The following C9orf57 variants were observed in gnomAD, a reference collection of about 807,000 sequenced individuals.
C9orf57 encodes the protein uncharacterized protein C9orf57.
C9orf57 carries 12 observed loss-of-function variants against 12.9 expected under a neutral mutation model. The ratio of observed to expected loss-of-function variants is 0.93; its 90% CI spans 0.60 to 1.51. The LOEUF is 1.51. Ranked by LOEUF, C9orf57 falls within the 40% of genes most tolerant of loss-of-function variation. C9orf57 has a pLI of 0.00. For missense variants in C9orf57, 141 were observed against 162.8 expected, an observed-to-expected ratio of 0.87 and a Z score of 0.73; for synonymous variants, 49 against 57.1, an observed-to-expected ratio of 0.86 and a Z score of 0.64.
At chr9:72,053,254 T>C (rs1470181597) in intron 4 of C9orf57, among the ~76,000 whole-genome samples, 3 of 152,110 alleles carry the variant, frequency 2.0e-5, no homozygotes, top group African/African-American at 7.2e-5. Flanking sequence ...TTACAAAGAA[T>C]TCACCTGCCC....
In C9orf57 at chr9:72,056,929, G is replaced by A. The variant is rs1186112727; in HGVS notation, c.98-86C>T. 28 of 977,106 alleles carry A rather than the reference G, an allele frequency of 2.9e-5. 1 individual carries two copies. In the East Asian group the frequency reaches 6.6e-4, roughly 23 times the overall value. The allele number at this position is 977,106 out of a possible 1,614,324, so 60.5% of individuals were successfully genotyped here. A position where few individuals can be genotyped will look rare whatever the true frequency, so the allele number is the denominator to read the frequency against. ...TATGTATACTTTTTTTTTTTTTTGA[G>A]ACAGGGTTGCACTCCTGTTACCCAG... On this transcript the variant is annotated intron_variant, in intron 2 of 4. Transcript: ENST00000651200.
intron 2 of C9orf57, among the ~76,000 whole-genome samples, chr9:72,057,093 G>A (rs1824221105): frequency 6.6e-6 from 1 of 151,790 alleles, no homozygotes; most frequent in Non-Finnish European, 1.5e-5. Context: ...TGTATGTTTA[G>A]TGGGGAGGAT....
intron 3 of C9orf57, 38 bp from the exon 4 acceptor site, chr9:72,056,234 T>C (rs1439726757): frequency 6.5e-7 from 1 of 1,531,000 alleles, no homozygotes; most frequent in Non-Finnish European, 8.8e-7. Flanking sequence ...AAAGTAGTGA[T>C]AGATACGAGA....
rs564426574 is a variant in C9orf57, at chr9:72,054,290, G to A, written c.280+1784C>T. Among the ~76,000 whole-genome samples, 6 of 152,322 alleles carry A rather than the reference G, an allele frequency of 3.9e-5. No individual in the cohort carries two copies. The East Asian group carries it at 7.7e-4, about 20-fold the overall frequency. On this transcript the variant is annotated intron_variant, in intron 4 of 4. Transcript: ENST00000651200. ...TGGGATTATAGGCGTGAGCCACCGC[G>A]CCTAGCCTATTTAGGTCATTTATAT...
In C9orf57 at chr9:72,056,105, A is replaced by C; in HGVS notation, c.249T>G (p.Gly83=). The C allele has an allele frequency of 6.4e-7, 1 of 1,551,092 alleles. No individual in the cohort carries two copies. The highest frequency in any genetic ancestry group is 8.7e-7 in the Non-Finnish European group (1 of 1,146,598). The part of the protein sequence containing the change: ...LDLGTCQAEP[G]QYCKEEVHIQ... The stretch of plus-strand genomic sequence containing the variant: ...TGTGGACCTCTTCTTTACAGTACTG[A>C]CCAGGTTCTGCCTGGCAGGTTCCCA... The change falls in exon 4 of 5, where the codon GGT becomes GGG. Residue 83 remains glycine, a synonymous_variant. Coordinates refer to ENST00000651200, the MANE Select transcript of C9orf57 (RefSeq NM_001128618.2).
chr9:72,058,006 C>T (rs201588868), intron 2 of C9orf57, among the ~76,000 whole-genome samples: 1 of 152,164 alleles, frequency 6.6e-6, no homozygotes, highest in East Asian at 1.9e-4. Flanking sequence ...AATAAACTCA[C>T]AGATTCCCAG....
intron 1 of C9orf57, among the ~76,000 whole-genome samples, 191 bp from the exon 2 acceptor site, chr9:72,059,575 C>T (rs1292453717): frequency 1.3e-5 from 2 of 152,202 alleles, no homozygotes; most frequent in African/African-American, 4.8e-5. Context: ...ATTCCCAACG[C>T]TTTGGGAGGC....
intron 2 of C9orf57, among the ~76,000 whole-genome samples, chr9:72,057,855 G>A (rs577173906): frequency 3.3e-5 from 5 of 152,252 alleles, no homozygotes; most frequent in Admixed American, 3.3e-4. Flanking sequence ...AAATTCAGTG[G>A]CTTGAAAATA....
intron 1 of C9orf57, among the ~76,000 whole-genome samples, chr9:72,059,635 A>T (rs1268904537): frequency 6.6e-6 from 1 of 152,184 alleles, no homozygotes; most frequent in Non-Finnish European, 1.5e-5. Context: ...AGACTGCCCA[A>T]CATGGTGAAA....
chr9:72,052,536 T>TTGC, intron 4 of C9orf57, 101 bp from the exon 5 acceptor site: 1 of 1,129,872 alleles, frequency 8.9e-7, no homozygotes, highest in Non-Finnish European at 1.2e-6. Context: ...AACTTTAGTT[T>TTGC]TATCAAGGTA....
At chr9:72,059,602 C>T (rs918352815) in intron 1 of C9orf57, among the ~76,000 whole-genome samples, 4 of 152,166 alleles carry the variant, frequency 2.6e-5, no homozygotes, top group African/African-American at 9.7e-5. Flanking sequence ...GGGCAGATCG[C>T]CTGAGGTCAG....
rs979855990 is a variant in C9orf57 at position 72,060,570 on chromosome 9, A to G, written c.-127T>C. Reference sequence around the variant, plus strand: ...TCTTAAAAGGATGAGAACGAGTACAATTTGTGATGTGATGAAGTCCGTTAC... The same window carrying G: ...TCTTAAAAGGATGAGAACGAGTACAGTTTGTGATGTGATGAAGTCCGTTAC... On this transcript the variant is annotated 5_prime_UTR_variant, in exon 1 of 5. Coordinates refer to ENST00000651200, the MANE Select transcript of C9orf57 (RefSeq NM_001128618.2). 27 of 1,543,084 alleles carry G rather than the reference A, an allele frequency of 1.7e-5. No homozygotes were observed. The East Asian group carries it at 2.5e-4, about 14-fold the overall frequency.
intron 3 of C9orf57, among the ~76,000 whole-genome samples, chr9:72,056,537 T>C (rs1824206307): frequency 1.3e-5 from 2 of 151,878 alleles, no homozygotes; most frequent in South Asian, 4.2e-4. Context: ...AGTACTCACA[T>C]TTGAATCTTG....
intron 4 of C9orf57, among the ~76,000 whole-genome samples, chr9:72,055,558 G>C (rs1302248908): frequency 6.6e-6 from 1 of 151,836 alleles, no homozygotes; most frequent in African/African-American, 2.4e-5. Context: ...CCGGTAGCTG[G>C]GACTGCTACA....
rs759231051 is a variant in C9orf57, at chr9:72,059,351, A to C, written c.-20T>G. The C allele has an allele frequency of 3.0e-5, 47 of 1,551,500 alleles. No individual in the cohort carries two copies. Among genetic ancestry groups the C allele is most frequent in the Non-Finnish European group, 4.0e-5 (46 of 1,147,052 alleles). On this transcript the variant is annotated 5_prime_UTR_variant, in exon 2 of 5. Coordinates refer to ENST00000651200, the MANE Select transcript of C9orf57 (RefSeq NM_001128618.2). ...TCTCATTCTGATTTCCAAGCCGAAA[A>C]GGAGATGAAAGGAAAGACACGTCCC...
chr9:72,056,355 T>C (rs1221273808), intron 3 of C9orf57, among the ~76,000 whole-genome samples, 159 bp from the exon 4 acceptor site: 1 of 148,610 alleles, frequency 6.7e-6, no homozygotes, highest in Admixed American at 6.7e-5. Flanking sequence ...TAAATATATA[T>C]ATTTTATTTT....
intron 4 of C9orf57, 40 bp downstream of exon 4, chr9:72,056,034 T>A (rs1824192695): frequency 3.3e-6 from 5 of 1,529,638 alleles, no homozygotes; most frequent in Non-Finnish European, 2.6e-6. Context: ...ATTTTCCCTG[T>A]GCTTATTTTA....
At position 72,056,750 on chromosome 9, in the gene C9orf57, T is replaced by C. The variant is rs527622998; in HGVS notation, c.157+34A>G. ...GTGATAAGCATTTTCCCTGTGCTTATTTTAATTAAAATTTTTAAAGTGTCA... is the reference window on the plus strand; with the variant it reads ...GTGATAAGCATTTTCCCTGTGCTTACTTTAATTAAAATTTTTAAAGTGTCA... On this transcript the variant is annotated intron_variant, in intron 3 of 4. Coordinates refer to ENST00000651200, the MANE Select transcript of C9orf57 (RefSeq NM_001128618.2). 1.0e-5 allele frequency: 16 copies of C among 1,541,556 alleles called. No homozygotes were observed. The East Asian group carries it at 3.9e-4, about 38-fold the overall frequency.
intron 1 of C9orf57, among the ~76,000 whole-genome samples, chr9:72,059,678 A>G (rs1346091622): frequency 6.6e-6 from 1 of 152,092 alleles, no homozygotes; most frequent in Non-Finnish European, 1.5e-5. Flanking sequence ...AAAATTAGCC[A>G]GGTGTGGTTG....
Sources: allele counts gnomAD v4.1 joint callset (sites outside exome capture counted in the v4.1 genomes callset), GRCh38; gene constraint gnomAD v4.1.1; transcripts MANE v1.5; gene names NCBI Gene and HGNC (gene_info 2026-07-23, HGNC 2026-07-21).